KCNMA1: variants seen among roughly 807,000 people sequenced by gnomAD.
KCNMA1 encodes the protein potassium calcium-activated channel subfamily M alpha 1.
In KCNMA1, 29 loss-of-function variants were observed where a neutral mutation model predicts 140.0. The observed-to-expected ratio is 0.21, with a 90% CI of 0.15 to 0.28. The LOEUF (loss-of-function observed/expected upper bound fraction) is 0.28. Ranked by LOEUF, KCNMA1 falls within the 10% of genes least tolerant of loss-of-function variation. The probability of loss-of-function intolerance (pLI) is 1.00; values close to 1 mark genes in which losing one functional copy is unlikely to be tolerated. For missense variants in KCNMA1, 880 were observed against 1,602.2 expected, an observed-to-expected ratio of 0.55 and a Z score of 7.70; for synonymous variants, 612 against 611.9, an observed-to-expected ratio of 1.00 and a Z score of 0.00.
At position 77,265,756 on chromosome 10, in the gene KCNMA1, AAAAAC is replaced by A. The variant is rs372390508; in HGVS notation, c.541-14505_541-14501del. On this transcript the variant is annotated intron_variant, in intron 2 of 27. Transcript: ENST00000286628. ...ATTTAACCATGATGCCATGGCTGCT[AAAAAC>A]AAAACAAAACAAAACAAAACAAAAA... Among the ~76,000 whole-genome samples the A allele has an allele frequency of 4.0e-4, 61 of 152,164 alleles. 1 individual carries two copies. The highest frequency in any genetic ancestry group is 1.3e-3 in the African/African-American group (55 of 41,508).
intron 1 of KCNMA1, among the ~76,000 whole-genome samples, chr10:77,546,959 T>A (rs934779664): frequency 1.9e-4 from 29 of 152,146 alleles, no homozygotes; most frequent in African/African-American, 6.8e-4. Flanking sequence ...TGCCTGAGGA[T>A]CTTACCTACA....
chr10:77,079,042 G>A (rs547570790), intron 13 of KCNMA1, among the ~76,000 whole-genome samples: 38 of 152,140 alleles, frequency 2.5e-4, no homozygotes, highest in South Asian at 1.0e-3. Flanking sequence ...AGGCCGAGGC[G>A]GGCAGATCAC....
At position 77,370,643 on chromosome 10, in the gene KCNMA1, C is replaced by A. The variant is rs141299883; in HGVS notation, c.540+33219G>T. Among the ~76,000 whole-genome samples, 739 of 152,252 alleles carry A rather than the reference C, an allele frequency of 4.9e-3. 10 individuals are homozygous for A. Among genetic ancestry groups the A allele is most frequent in the Middle Eastern group, 0.027 (8 of 294 alleles). On this transcript the variant is annotated intron_variant, in intron 2 of 27. Transcript: ENST00000286628. ...CATGTTGAGACTGGACCAAGCAAAC[C>A]CTGAAGAAGTTTCCCCTCTTGCTCC...
At chr10:77,575,693 T>C (rs180862956) in intron 1 of KCNMA1, among the ~76,000 whole-genome samples, 4 of 152,366 alleles carry the variant, frequency 2.6e-5, no homozygotes, top group African/African-American at 9.6e-5. Flanking sequence ...CCGGGGAGCA[T>C]CTGAAGTTCC....
chr10:77,181,552 T>C (rs896700314), intron 5 of KCNMA1, among the ~76,000 whole-genome samples: 2 of 152,144 alleles, frequency 1.3e-5, no homozygotes, highest in African/African-American at 4.8e-5. Flanking sequence ...AGCCAAATCT[T>C]TATCTTACAG....
In KCNMA1 at chr10:77,584,307, A is replaced by T. The variant is rs559073762; in HGVS notation, c.378+52958T>A. Among the ~76,000 whole-genome samples, 9 of 152,292 alleles carry T rather than the reference A, an allele frequency of 5.9e-5. No homozygotes were observed. The East Asian group carries it at 1.7e-3, about 29-fold the overall frequency. On this transcript the variant is annotated intron_variant, in intron 1 of 27. Transcript: ENST00000286628. Reference sequence around the variant, plus strand: ...TACGTAAGACTTGTGGGAAGCCCTTATTTGTCTTTATAGCCACAGAATGTG... The same window carrying T: ...TACGTAAGACTTGTGGGAAGCCCTTTTTTGTCTTTATAGCCACAGAATGTG...
chr10:77,439,057 C>A (rs553530699), intron 1 of KCNMA1, among the ~76,000 whole-genome samples: 1 of 142,100 alleles, frequency 7.0e-6, no homozygotes, highest in African/African-American at 2.6e-5. Flanking sequence ...GGCGACAGAG[C>A]GAGACTCTCT....
At chr10:77,053,563 CCA>C (rs1288352707) in intron 14 of KCNMA1, among the ~76,000 whole-genome samples, 5 of 152,184 alleles carry the variant, frequency 3.3e-5, no homozygotes, top group African/African-American at 4.8e-5. Context: ...CCGTATCTCA[CCA>C]CAAAGAGCTC....
chr10:77,301,082 G>A (rs2076426076), intron 2 of KCNMA1, among the ~76,000 whole-genome samples: 2 of 152,176 alleles, frequency 1.3e-5, no homozygotes, highest in South Asian at 4.1e-4. Context: ...AATCCCTGCA[G>A]CTAATGAGTA....
intron 23 of KCNMA1, among the ~76,000 whole-genome samples, chr10:76,934,718 T>A (rs1164351291): frequency 6.6e-6 from 1 of 152,164 alleles, no homozygotes; most frequent in Non-Finnish European, 1.5e-5. Flanking sequence ...CAGAATTTCA[T>A]GAGGTGTCTT....
At chr10:77,258,609 T>C (rs1226295691) in intron 2 of KCNMA1, among the ~76,000 whole-genome samples, 2 of 152,206 alleles carry the variant, frequency 1.3e-5, no homozygotes, top group Non-Finnish European at 2.9e-5. Context: ...TTCTCTTTAC[T>C]GTTTAGCAAG....
rs539722330 is a variant in KCNMA1 at position 76,887,233 on chromosome 10, T to C, written c.*33A>G. ...ACCAACTGGGGAAATGAGTGGCAGA[T>C]ACAGTTTCACACAGTGGCGGTGGAT... On this transcript the variant is annotated 3_prime_UTR_variant, in exon 28 of 28. Coordinates refer to ENST00000286628, the MANE Select transcript of KCNMA1 (RefSeq NM_001161352.2). 5.0e-6 allele frequency: 8 copies of C among 1,613,696 alleles called. No homozygotes were observed. The highest frequency in any genetic ancestry group is 4.5e-5 in the East Asian group (2 of 44,866).
At chr10:76,935,124 G>GA (rs1298972491) in intron 23 of KCNMA1, among the ~76,000 whole-genome samples, 1 of 152,204 alleles carries the variant, frequency 6.6e-6, no homozygotes, top group African/African-American at 2.4e-5. Flanking sequence ...GTAGTAGCAA[G>GA]AAAGACTGAA....
intron 2 of KCNMA1, among the ~76,000 whole-genome samples, chr10:77,294,951 G>A (rs1166777615): frequency 6.6e-6 from 1 of 151,760 alleles, no homozygotes; most frequent in East Asian, 1.9e-4. Flanking sequence ...TATTGATAAG[G>A]GGCTCCCAAT....
intron 1 of KCNMA1, among the ~76,000 whole-genome samples, chr10:77,477,854 A>C (rs574240941): frequency 1.3e-5 from 2 of 152,318 alleles, no homozygotes; most frequent in East Asian, 3.9e-4. Context: ...ATTTTTAGGA[A>C]ATTAGCTGGT....
intron 1 of KCNMA1, among the ~76,000 whole-genome samples, chr10:77,419,905 A>T (rs1019856056): frequency 6.6e-6 from 1 of 152,200 alleles, no homozygotes; most frequent in Non-Finnish European, 1.5e-5. Context: ...GAAAGTGAAG[A>T]GGTCAGGGGC....
At chr10:77,458,332 C>T (rs1029220182) in intron 1 of KCNMA1, among the ~76,000 whole-genome samples, 1 of 152,204 alleles carries the variant, frequency 6.6e-6, no homozygotes, top group African/African-American at 2.4e-5. Flanking sequence ...ATAGGGCAGG[C>T]ACCAAGGCCA....
chr10:77,377,886 G>C (rs901876339), intron 2 of KCNMA1, among the ~76,000 whole-genome samples: 2 of 152,190 alleles, frequency 1.3e-5, no homozygotes, highest in Admixed American at 1.3e-4. Context: ...GAGAGTTCAA[G>C]GTGAGGCCAA....
At chr10:77,332,106 C>T (rs1467038904) in intron 2 of KCNMA1, among the ~76,000 whole-genome samples, 1 of 152,070 alleles carries the variant, frequency 6.6e-6, no homozygotes. Context: ...TTGTGGGAGA[C>T]AGATTACATA....
Sources: allele counts gnomAD v4.1 joint callset (sites outside exome capture counted in the v4.1 genomes callset), GRCh38; gene constraint gnomAD v4.1.1; transcripts MANE v1.5; gene names NCBI Gene and HGNC (gene_info 2026-07-23, HGNC 2026-07-21).